KIF5C: variants seen among roughly 807,000 people sequenced by gnomAD.
KIF5C encodes the protein kinesin family member 5C, also known as kinesin heavy chain isoform 5C.
Under a neutral mutation model 125.2 loss-of-function variants are expected in KIF5C, and 18 were observed. The observed-to-expected ratio is 0.14, with a 90% confidence interval of 0.10 to 0.21. The LOEUF is 0.21. Ranked by LOEUF, KIF5C falls within the 10% of genes least tolerant of loss-of-function variation. KIF5C has a pLI of 1.00. For synonymous variants in KIF5C, 405 were observed against 434.0 expected (o/e 0.93, Z 0.83); for missense variants, 780 against 1,183.8 (o/e 0.66, Z 5.01).
intron 1 of KIF5C, among the ~76,000 whole-genome samples, chr2:148,890,170 TAAC>T (rs570020777): frequency 1.2e-3 from 186 of 152,294 alleles, no homozygotes; most frequent in African/African-American, 4.3e-3. Context: ...CTATAAATAA[TAAC>T]TTTTAAAATG....
At chr2:148,934,157 T>C (rs1033117458) in intron 3 of KIF5C, among the ~76,000 whole-genome samples, 2 of 145,808 alleles carry the variant, frequency 1.4e-5, no homozygotes, top group African/African-American at 5.1e-5. Context: ...CACAGACATA[T>C]ACACATCACA....
intron 2 of KIF5C, among the ~76,000 whole-genome samples, chr2:148,926,822 C>T (rs1382600673): frequency 1.3e-5 from 2 of 152,168 alleles, no homozygotes; most frequent in Admixed American, 1.3e-4. Flanking sequence ...TAGAGGGCGA[C>T]GTCGGCTCCC....
At chr2:148,991,759 G>A (rs927707753) in intron 16 of KIF5C, among the ~76,000 whole-genome samples, 2 of 152,204 alleles carry the variant, frequency 1.3e-5, no homozygotes, top group African/African-American at 4.8e-5. Context: ...TACAGCCCGT[G>A]AATGACAGAG....
At chr2:148,908,083 A>G (rs1681187662) in intron 1 of KIF5C, among the ~76,000 whole-genome samples, 1 of 152,246 alleles carries the variant, frequency 6.6e-6, no homozygotes, top group South Asian at 2.1e-4. Flanking sequence ...AGCATTGCCC[A>G]CAAACACCAA....
intron 25 of KIF5C, among the ~76,000 whole-genome samples, chr2:149,018,004 G>A (rs147498664): frequency 4.0e-4 from 61 of 152,244 alleles, no homozygotes; most frequent in Non-Finnish European, 6.6e-4. Context: ...TTTGTGTGTC[G>A]TGGTGTGACT....
intron 8 of KIF5C, 151 bp downstream of exon 8, chr2:148,947,174 T>A: frequency 8.1e-7 from 1 of 1,230,808 alleles, no homozygotes; most frequent in Non-Finnish European, 1.1e-6. Context: ...CATTTAACCC[T>A]TTGTCCCTGC....
intron 1 of KIF5C, among the ~76,000 whole-genome samples, chr2:148,894,116 A>G (rs565902530): frequency 6.6e-6 from 1 of 152,350 alleles, no homozygotes; most frequent in African/African-American, 2.4e-5. Context: ...AGGGTGGGGC[A>G]AAGTGGTTTT....
chr2:148,948,563 T>C (rs1299779199), intron 8 of KIF5C, among the ~76,000 whole-genome samples: 1 of 152,224 alleles, frequency 6.6e-6, no homozygotes, highest in Non-Finnish European at 1.5e-5. Context: ...TGAAATCATG[T>C]CCTTCACGTA....
At chr2:148,948,885 A>G (rs1682589128) in intron 8 of KIF5C, among the ~76,000 whole-genome samples, 2 of 152,230 alleles carry the variant, frequency 1.3e-5, no homozygotes, top group African/African-American at 2.4e-5. Flanking sequence ...TGATTTCTCT[A>G]TGTGTAAGCA....
intron 1 of KIF5C, among the ~76,000 whole-genome samples, chr2:148,908,142 G>A (rs1681189831): frequency 6.6e-6 from 1 of 152,222 alleles, no homozygotes; most frequent in Non-Finnish European, 1.5e-5. Flanking sequence ...AGAGTTGAAA[G>A]TTGACCTTTT....
chr2:148,906,406 G>A (rs142362807), intron 1 of KIF5C, among the ~76,000 whole-genome samples: 1 of 152,114 alleles, frequency 6.6e-6, no homozygotes, highest in African/African-American at 2.4e-5. Flanking sequence ...TTTACTGGAG[G>A]AAAGGCTTGG....
chr2:148,937,453 T>A (rs1407858247), intron 4 of KIF5C, 65 bp downstream of exon 4: 12 of 1,512,672 alleles, frequency 7.9e-6, no homozygotes, highest in Non-Finnish European at 8.9e-7. Flanking sequence ...TTATACCTCC[T>A]CCTTTCAAGA....
chr2:148,998,660 TC>T, intron 19 of KIF5C, 151 bp downstream of exon 19: 1 of 1,284,822 alleles, frequency 7.8e-7, no homozygotes, highest in Non-Finnish European at 1.1e-6. Flanking sequence ...GCGGGCTGCT[TC>T]CAAGGTCTGT....
intron 3 of KIF5C, among the ~76,000 whole-genome samples, chr2:148,930,686 G>A (rs530581329): frequency 6.2e-4 from 95 of 152,248 alleles, no homozygotes; most frequent in Middle Eastern, 3.4e-3. Flanking sequence ...ACAGTGCCGG[G>A]GATCTCATTT....
chr2:148,875,377 G>C lies in KIF5C; in HGVS notation c.-241G>C. On this transcript the variant is annotated 5_prime_UTR_variant, in exon 1 of 26. Coordinates refer to ENST00000435030, the MANE Select transcript of KIF5C (RefSeq NM_004522.3). ...GGGGGCGCTGGGCAGGGGCGGGGCA[G>C]GGCCAGGGCAGGCCGGTCTGCAGCC... 2.3e-6 allele frequency: 1 copy of C among 442,816 alleles called. No homozygotes were observed. The highest frequency in any genetic ancestry group is 3.5e-5 in the South Asian group (1 of 28,946). 27.4% of individuals were successfully genotyped at this position (442,816 alleles called of 1,614,324 possible).
chr2:148,949,284 C>T (rs972706379), intron 8 of KIF5C, among the ~76,000 whole-genome samples: 6 of 152,120 alleles, frequency 3.9e-5, no homozygotes, highest in Admixed American at 1.3e-4. Flanking sequence ...CATTTCTCTC[C>T]CAAGTTTTTT....
chr2:148,992,929 A>G (rs972021663), intron 16 of KIF5C, among the ~76,000 whole-genome samples: 4 of 152,238 alleles, frequency 2.6e-5, no homozygotes, highest in South Asian at 2.1e-4. Flanking sequence ...GGCCAAGGCA[A>G]GGGTACTCAT....
intron 15 of KIF5C, among the ~76,000 whole-genome samples, chr2:148,988,254 G>A (rs944600591): frequency 1.3e-5 from 2 of 151,952 alleles, no homozygotes; most frequent in Non-Finnish European, 2.9e-5. Context: ...AAACCTCACA[G>A]TTAAAACCCC....
chr2:148,962,242 C>G (rs957355751), intron 11 of KIF5C, 123 bp downstream of exon 11: 1 of 1,353,622 alleles, frequency 7.4e-7, no homozygotes, highest in African/African-American at 1.5e-5. Flanking sequence ...CTTGGCTCAC[C>G]GCAACCTCTG....
Sources: gnomAD v4.1 joint callset for allele counts (sites outside exome capture counted in the v4.1 genomes callset) on GRCh38, gnomAD v4.1.1 for gene constraint, MANE v1.5 for transcripts, NCBI Gene and HGNC (gene_info 2026-07-23, HGNC 2026-07-21) for gene names.